Variants in COL6A6 observed in about 807,000 individuals in gnomAD.
The protein encoded by COL6A6 is collagen alpha-6(VI) chain.
Under a neutral mutation model 208.6 loss-of-function variants are expected in COL6A6, and 183 were observed. The ratio of observed to expected loss-of-function variants is 0.88; its 90% CI spans 0.78 to 0.99. COL6A6 has a LOEUF of 0.99. COL6A6 is among the 50% of genes least tolerant of loss of function. COL6A6 has a pLI of 0.00. For synonymous variants in COL6A6, 973 were observed against 1,011.8 expected, an observed-to-expected ratio of 0.96 and a Z score of 0.73; for missense variants, 2,816 against 2,815.2, an observed-to-expected ratio of 1.00 and a Z score of -0.01.
intron 1 of COL6A6, among the ~76,000 whole-genome samples, chr3:130,528,221 C>T (rs2062005105): frequency 6.6e-6 from 1 of 152,120 alleles, no homozygotes; most frequent in African/African-American, 2.4e-5. Flanking sequence ...TGAGCAGGAA[C>T]AAGGAAAGAG....
intron 20 of COL6A6, among the ~76,000 whole-genome samples, chr3:130,603,074 A>T (rs1299755959): frequency 2.0e-5 from 3 of 152,246 alleles, no homozygotes; most frequent in Admixed American, 2.0e-4. Context: ...GGAAATAAAC[A>T]GCAAATCTGA....
intron 21 of COL6A6, 61 bp from the exon 22 acceptor site, chr3:130,608,841 A>G: frequency 1.0e-6 from 1 of 969,640 alleles, no homozygotes; most frequent in Non-Finnish European, 1.4e-6. Context: ...GTAAGCTTGC[A>G]GGTAAAGGAG....
chr3:130,657,526 A>G (rs1229337444), intron 33 of COL6A6, among the ~76,000 whole-genome samples: 1 of 152,216 alleles, frequency 6.6e-6, no homozygotes, highest in African/African-American at 2.4e-5. Flanking sequence ...ACTTGTGACT[A>G]ACTGAAGCAT....
intron 1 of COL6A6, among the ~76,000 whole-genome samples, chr3:130,526,590 C>G (rs2061966776): frequency 6.6e-6 from 1 of 152,152 alleles, no homozygotes; most frequent in Admixed American, 6.5e-5. Context: ...TGCAGTAGTT[C>G]CGCCAAGAAG....
chr3:130,596,102 T>G (rs989430868), intron 18 of COL6A6, among the ~76,000 whole-genome samples: 1 of 152,122 alleles, frequency 6.6e-6, no homozygotes, highest in Admixed American at 6.5e-5. Flanking sequence ...TATATGAACA[T>G]GTAAATGTTA....
chr3:130,565,973 A>T (rs1346438014), intron 4 of COL6A6, among the ~76,000 whole-genome samples: 1 of 151,692 alleles, frequency 6.6e-6, no homozygotes, highest in Non-Finnish European at 1.5e-5. Flanking sequence ...TTCTTTTTGT[A>T]CTTTTCTCAC....
chr3:130,549,582 G>A (rs6793097), intron 1 of COL6A6, among the ~76,000 whole-genome samples: 4,982 of 152,126 alleles, frequency 0.033, 291 homozygotes, highest in African/African-American at 0.11. Context: ...TATCGTGTAA[G>A]GAAGGGGTCC....
At chr3:130,634,226 T>TAAAAAAAAAAAAAAAAAAAAAAAAA (rs1559769541) in intron 26 of COL6A6, among the ~76,000 whole-genome samples, 1 of 69,436 alleles carries the variant, frequency 1.4e-5, no homozygotes, top group Non-Finnish European at 4.0e-5. Flanking sequence ...AATAAATAAA[T>TAAAAAAAAAAAAAAAAAAAAAAAAA]AAATAAATAA....
chr3:130,592,225 T>C (rs2063734287), intron 13 of COL6A6, among the ~76,000 whole-genome samples: 1 of 152,108 alleles, frequency 6.6e-6, no homozygotes, highest in Non-Finnish European at 1.5e-5. Context: ...CAGTCATAGA[T>C]GCAAGACAGG....
intron 1 of COL6A6, among the ~76,000 whole-genome samples, chr3:130,531,061 GTCTCTCTCTCTC>G (rs10662894): frequency 2.9e-5 from 4 of 136,584 alleles, no homozygotes; most frequent in Admixed American, 7.2e-5. Context: ...CACACACACA[GTCTCTCTCTCTC>G]TCTCTCTCTC....
chr3:130,610,632 TA>T lies in COL6A6; in HGVS notation c.4753-15del. 1 of 1,561,558 alleles carries T rather than the reference TA, an allele frequency of 6.4e-7. No homozygotes were observed. Among genetic ancestry groups the T allele is most frequent in the Non-Finnish European group, 8.7e-7 (1 of 1,149,866 alleles). On this transcript the variant is annotated splice_polypyrimidine_tract_variant and intron_variant, in intron 22 of 36. Transcript: ENST00000358511. ...CTCTTTTAGGCAAAAAATAATGCTTTAATTCTATGTACTTAGGGCCCAAGAG... is the reference window on the plus strand; with the variant it reads ...CTCTTTTAGGCAAAAAATAATGCTTTATTCTATGTACTTAGGGCCCAAGAG...
rs1429423414 is a variant in COL6A6 at position 130,568,047 on chromosome 3, C to T, written c.1844C>T (p.Ala615Val). 1 of 1,600,632 alleles carries T rather than the reference C, an allele frequency of 6.2e-7. No individual in the cohort carries two copies. Among genetic ancestry groups the T allele is most frequent in the Non-Finnish European group, 8.5e-7 (1 of 1,173,534 alleles). ...QVVQEICTEE[A>V]CKEMKADIMF... is the part of the protein sequence containing the mutation. ...AAACATCACAGTTTTTCCTATGCAGCTTGCAAAGAGATGAAAGCTGACATC... is the reference window on the plus strand; with the variant it reads ...AAACATCACAGTTTTTCCTATGCAGTTTGCAAAGAGATGAAAGCTGACATC... Residue 615 changes from alanine (A) to valine (V), a missense_variant and splice_region_variant, in exon 6 of 37, where the codon GCT becomes GTT. Transcript: ENST00000358511.
intron 6 of COL6A6, 29 bp downstream of exon 6, chr3:130,568,633 C>G: frequency 1.3e-6 from 2 of 1,525,856 alleles, no homozygotes; most frequent in Non-Finnish European, 1.8e-6. Context: ...ACTAGCAGGA[C>G]TATCCGAACA....
Position 130,581,897 on chromosome 3 carries a change from G to C in COL6A6, c.3884G>C (p.Arg1295Pro). The C allele has an allele frequency of 6.2e-7, 1 of 1,603,948 alleles. No homozygotes were observed. The highest frequency in any genetic ancestry group is 8.5e-7 in the Non-Finnish European group (1 of 1,173,478). ...WDTFQNKSAA[R>P]GKVVLLFSDG... ...ACATTTCAGAATAAATCAGCTGCTCGAGGAAAGGTAACATGGATTTATCTT... is the reference window on the plus strand; with the variant it reads ...ACATTTCAGAATAAATCAGCTGCTCCAGGAAAGGTAACATGGATTTATCTT... The change falls in exon 9 of 37, where the codon CGA becomes CCA. Residue 1295 changes from arginine to proline, a missense_variant. Arg to Pro is a moderately radical substitution (Grantham distance 103). Coordinates refer to ENST00000358511, the MANE Select transcript of COL6A6 (RefSeq NM_001102608.3).
intron 10 of COL6A6, among the ~76,000 whole-genome samples, chr3:130,586,214 A>C (rs958598528): frequency 5.3e-5 from 8 of 152,224 alleles, no homozygotes; most frequent in African/African-American, 1.7e-4. Context: ...TCTTTACTTT[A>C]GCATGCTCTG....
chr3:130,551,686 ATTTCTTCTGCTAGC>A, intron 1 of COL6A6, among the ~76,000 whole-genome samples: 1 of 79,602 alleles, frequency 1.3e-5, no homozygotes, highest in Middle Eastern at 7.5e-3. Context: ...GATTTTGGTT[ATTTCTTCTGCTAGC>A]TTTGGGTTCA....
chr3:130,622,191 C>CA (rs2064741111), intron 24 of COL6A6, among the ~76,000 whole-genome samples: 1 of 145,236 alleles, frequency 6.9e-6, no homozygotes, highest in Non-Finnish European at 1.5e-5. Flanking sequence ...TCTTAATTTC[C>CA]TCCCCCCGCC....
rs980629957 is a variant in COL6A6 at position 130,517,375 on chromosome 3, G to A, written c.-54G>A. ...CGGGCTTTCGAAGTGCAGGGCTGGG[G>A]GCTGCATGGAAGTTTCCCCAAGGTA... is the stretch of plus-strand genomic sequence containing the variant. On this transcript the variant is annotated 5_prime_UTR_variant, in exon 1 of 37. Transcript: ENST00000358511. Among the ~76,000 whole-genome samples, 1 of 152,252 alleles carries A rather than the reference G, an allele frequency of 6.6e-6. No homozygotes were observed.
intron 1 of COL6A6, among the ~76,000 whole-genome samples, chr3:130,527,413 T>C (rs557104104): frequency 7.9e-5 from 12 of 152,334 alleles, no homozygotes; most frequent in Non-Finnish European, 1.2e-4. Context: ...GCAGCTGGTG[T>C]GCTTAATCTT....
Sources: gnomAD v4.1 joint callset for allele counts (sites outside exome capture counted in the v4.1 genomes callset) on GRCh38, gnomAD v4.1.1 for gene constraint, MANE v1.5 for transcripts, NCBI Gene and HGNC (gene_info 2026-07-23, HGNC 2026-07-21) for gene names.